Variants in ATP1A4 observed in about 807,000 individuals in gnomAD.
ATP1A4 encodes ATPase Na+/K+ transporting subunit alpha 4.
A neutral mutation model predicts 114.3 loss-of-function variants in ATP1A4; 90 were observed. The ratio of observed to expected loss-of-function variants is 0.79; its 90% CI spans 0.66 to 0.94. The LOEUF is 0.94. Ranked by LOEUF, ATP1A4 falls within the 40% of genes least tolerant of loss-of-function variation. ATP1A4 has a pLI of 0.00. For synonymous variants in ATP1A4, 511 were observed against 494.1 expected, an observed-to-expected ratio of 1.03 and a Z score of -0.45; for missense variants, 1,222 against 1,313.6, an observed-to-expected ratio of 0.93 and a Z score of 1.08.
At chr1:160,158,669 C>T (rs2101627560) in intron 4 of ATP1A4, among the ~76,000 whole-genome samples, 1 of 152,220 alleles carries the variant, frequency 6.6e-6, no homozygotes, top group East Asian at 1.9e-4. Context: ...TGTGAGCCAC[C>T]AGTCACGGCC....
intron 10 of ATP1A4, 83 bp downstream of exon 10, chr1:160,167,495 A>G: frequency 6.4e-7 from 1 of 1,566,054 alleles, no homozygotes; most frequent in East Asian, 2.2e-5. Context: ...CTCTGCCTTC[A>G]ACTTCACCTC....
chr1:160,181,583 C>A, intron 18 of ATP1A4, 101 bp from the exon 19 acceptor site: 1 of 1,322,184 alleles, frequency 7.6e-7, no homozygotes, highest in Non-Finnish European at 1.0e-6. Context: ...GAATGAGGAC[C>A]TGACTCAGCC....
At chr1:160,152,230 A>G in intron 1 of ATP1A4, 43 bp downstream of exon 1, 1 of 1,594,810 alleles carries the variant, frequency 6.3e-7, no homozygotes, top group Non-Finnish European at 8.5e-7. Flanking sequence ...CCCTCTGAAA[A>G]CACTCCTCCA....
intron 5 of ATP1A4, 85 bp downstream of exon 5, chr1:160,159,221 G>C: frequency 6.6e-7 from 1 of 1,520,498 alleles, no homozygotes; most frequent in Non-Finnish European, 8.9e-7. Context: ...GAAAGTATAA[G>C]CTTATTACTC....
intron 8 of ATP1A4, 87 bp from the exon 9 acceptor site, chr1:160,166,881 A>G: frequency 6.6e-7 from 1 of 1,503,896 alleles, no homozygotes; most frequent in Non-Finnish European, 9.2e-7. Flanking sequence ...GCTCCTGTGA[A>G]GTATCTGGGT....
intron 4 of ATP1A4, among the ~76,000 whole-genome samples, chr1:160,157,974 A>G (rs1652726957): frequency 6.6e-6 from 1 of 152,190 alleles, no homozygotes; most frequent in Non-Finnish European, 1.5e-5. Flanking sequence ...TAATATGATC[A>G]TGTTCCAGTA....
chr1:160,180,174 G>T (rs1653628469), intron 18 of ATP1A4, among the ~76,000 whole-genome samples: 4 of 152,156 alleles, frequency 2.6e-5, no homozygotes, highest in Admixed American at 2.6e-4. Flanking sequence ...AGTGACGCGG[G>T]TAACGGCAAC....
intron 20 of ATP1A4, 69 bp from the exon 21 acceptor site, chr1:160,186,207 A>G: frequency 9.4e-7 from 1 of 1,066,494 alleles, no homozygotes; most frequent in South Asian, 1.2e-5. Context: ...ATTCCTGTGC[A>G]TTGCCCTCTG....
intron 18 of ATP1A4, among the ~76,000 whole-genome samples, chr1:160,179,261 G>A (rs1225293218): frequency 6.6e-6 from 1 of 152,196 alleles, no homozygotes; most frequent in Non-Finnish European, 1.5e-5. Context: ...GCAGGATCCA[G>A]TGACACCCAA....
chr1:160,171,724 T>G lies in ATP1A4; in HGVS notation c.1821T>G (p.Asp607Glu). ...MIDPPRAAVP[D>E]AVSKCRSAGI... is the part of the protein sequence containing the mutation. ...ACCCTCCCCGAGCTGCAGTGCCTGA[T>G]GCTGTGAGCAAGTGTCGCAGTGCAG... The change falls in exon 12 of 22, where the codon GAT becomes GAG. Residue 607 changes from aspartate (D) to glutamate (E), a missense_variant. Transcript: ENST00000368081. 1 of 1,614,194 alleles carries G rather than the reference T, an allele frequency of 6.2e-7. No homozygotes were observed. Among genetic ancestry groups the G allele is most frequent in the Non-Finnish European group, 8.5e-7 (1 of 1,180,030 alleles).
At chr1:160,180,013 A>C (rs907622021) in intron 18 of ATP1A4, among the ~76,000 whole-genome samples, 2 of 152,202 alleles carry the variant, frequency 1.3e-5, no homozygotes, top group Non-Finnish European at 2.9e-5. Flanking sequence ...GGTGGGGAGT[A>C]CAGGACAACA....
chr1:160,167,113 C>T (rs766594187), intron 9 of ATP1A4, 36 bp downstream of exon 9: 1 of 1,603,686 alleles, frequency 6.2e-7, no homozygotes, highest in South Asian at 1.1e-5. Flanking sequence ...ACCTCAGTGT[C>T]CAGGGTGTAA....
At chr1:160,166,943 CA>C in intron 8 of ATP1A4, 24 bp from the exon 9 acceptor site, 5 of 1,608,188 alleles carry the variant, frequency 3.1e-6, no homozygotes, top group Non-Finnish European at 4.3e-6. Flanking sequence ...TCCCTGCTCA[CA>C]ATTCTTCTTT....
At position 160,171,699 on chromosome 1, in the gene ATP1A4, A is replaced by C; in HGVS notation, c.1796A>C (p.Asp599Ala). The C allele has an allele frequency of 6.2e-7, 1 of 1,613,902 alleles. No homozygotes were observed. The change falls in exon 12 of 22, where the codon GAC (aspartate) becomes GCC (alanine). Residue 599 changes from aspartate (D) to alanine (A), a missense_variant. Coordinates refer to ENST00000368081, the MANE Select transcript of ATP1A4 (RefSeq NM_144699.4). ...LCFVGLISMI[D>A]PPRAAVPDAV... ...TTTGTGGGCCTCATATCCATGATTG[A>C]CCCTCCCCGAGCTGCAGTGCCTGAT... is the stretch of plus-strand genomic sequence containing the variant.
Position 160,186,306 on chromosome 1 carries a change from C to T in ATP1A4, c.3000C>T (p.Tyr1000=). Residue 1000 remains tyrosine (Y), a synonymous_variant, in exon 21 of 22, where the codon TAC becomes TAT. Transcript: ENST00000368081. ...CCTGGTGGCTCTGTGCCATTCCCTA[C>T]AGTATTCTCATCTTCGTCTATGATG... is the stretch of plus-strand genomic sequence containing the variant. The part of the protein sequence containing the change: ...KITWWLCAIP[Y]SILIFVYDEI... 6.2e-7 allele frequency: 1 copy of T among 1,613,592 alleles called. No individual in the cohort carries two copies. Among genetic ancestry groups the T allele is most frequent in the Non-Finnish European group, 8.5e-7 (1 of 1,179,894 alleles).
At chr1:160,158,909 G>A in intron 4 of ATP1A4, 93 bp from the exon 5 acceptor site, 1 of 1,379,202 alleles carries the variant, frequency 7.3e-7, no homozygotes, top group Non-Finnish European at 9.9e-7. Flanking sequence ...GGGGAGTAAG[G>A]AGGAGGGAGA....
rs755083373 is a variant in ATP1A4, at chr1:160,174,733, C to T, written c.2297C>T (p.Thr766Met). Residue 766 changes from threonine (T) to methionine (M), a missense_variant, in exon 15 of 22, where the codon ACG (threonine) becomes ATG (methionine). Transcript: ENST00000368081. The part of the protein sequence containing the change: ...LLDDNFASIV[T>M]GVEEGRLIFD... ...GATGACAACTTTGCCTCCATCGTCA[C>T]GGGGGTGGAGGAGGGTGAGGAGGCA... is the stretch of plus-strand genomic sequence containing the variant. 1.2e-5 allele frequency: 20 copies of T among 1,613,950 alleles called. No individual in the cohort carries two copies. Among genetic ancestry groups the T allele is most frequent in the East Asian group, 4.5e-5 (2 of 44,882 alleles).
intron 18 of ATP1A4, among the ~76,000 whole-genome samples, chr1:160,180,805 C>G (rs1014840074): frequency 7.0e-6 from 1 of 142,262 alleles, no homozygotes; most frequent in African/African-American, 2.6e-5. Flanking sequence ...AGCTCCGCCT[C>G]CCGGGTTCAC....
At chr1:160,173,754 C>G in intron 13 of ATP1A4, 37 bp downstream of exon 13, 1 of 1,600,354 alleles carries the variant, frequency 6.2e-7, no homozygotes, top group Non-Finnish European at 8.5e-7. Flanking sequence ...TGCCATGTTC[C>G]CTCCATCCCC....
Sources: allele counts gnomAD v4.1 joint callset (sites outside exome capture counted in the v4.1 genomes callset), GRCh38; gene constraint gnomAD v4.1.1; transcripts MANE v1.5; gene names NCBI Gene and HGNC (gene_info 2026-07-23, HGNC 2026-07-21).